The following NME7 variants were observed in gnomAD, a reference collection of about 807,000 sequenced individuals.
NME7 encodes the protein nucleoside diphosphate kinase 7.
NME7 carries 41 observed loss-of-function variants against 49.1 expected under a neutral mutation model. The observed-to-expected ratio is 0.83, with a 90% CI of 0.65 to 1.08. The LOEUF is 1.08. Ranked by LOEUF, NME7 falls within the 50% of genes least tolerant of loss-of-function variation. The probability of loss-of-function intolerance (pLI) is 0.00; values close to 1 mark genes in which losing one functional copy is unlikely to be tolerated. For missense variants in NME7, 423 were observed against 463.4 expected (o/e 0.91, Z 0.80); for synonymous variants, 139 against 150.6 (o/e 0.92, Z 0.56).
At chr1:169,271,086 C>G (rs1196883504) in intron 7 of NME7, among the ~76,000 whole-genome samples, 2 of 133,598 alleles carry the variant, frequency 1.5e-5, no homozygotes, top group African/African-American at 5.1e-5. Context: ...AAAAAGACCA[C>G]AGATGCCTCA....
At chr1:169,287,137 T>C in intron 7 of NME7, 166 bp downstream of exon 7, 1 of 596,170 alleles carries the variant, frequency 1.7e-6, no homozygotes, top group Non-Finnish European at 3.0e-6. Flanking sequence ...AATAGAGATT[T>C]AGACAGATTT....
At chr1:169,132,955 A>T in intron 11 of NME7, 138 bp from the exon 12 acceptor site, 2 of 559,116 alleles carry the variant, frequency 3.6e-6, no homozygotes, top group Non-Finnish European at 6.2e-6. Flanking sequence ...TCAATCAATC[A>T]GAGGCAGAGA....
chr1:169,354,967 AT>A, intron 1 of NME7, among the ~76,000 whole-genome samples: 2 of 37,716 alleles, frequency 5.3e-5, no homozygotes, highest in South Asian at 4.9e-4. Context: ...TTTATATATA[AT>A]ATAATTATAT....
chr1:169,279,044 A>G (rs1196443967), intron 7 of NME7, among the ~76,000 whole-genome samples: 5 of 152,066 alleles, frequency 3.3e-5, no homozygotes, highest in African/African-American at 9.7e-5. Context: ...TTCCTCTTGA[A>G]GTTTTGTCTC....
rs59969513 is a variant in NME7, at chr1:169,267,211, A to C, written c.754+20092T>G. ...AAATATCTAGGAATACAGCTAACCA[A>C]GGAAGTTAAAGATCTCTATAATGAA... On this transcript the variant is annotated intron_variant, in intron 7 of 11. Coordinates refer to ENST00000367811, the MANE Select transcript of NME7 (RefSeq NM_013330.5). 4.3e-3 allele frequency among the ~76,000 whole-genome samples: 570 copies of C among 133,984 alleles called. 64 individuals are homozygous for C. The highest frequency in any genetic ancestry group is 0.027 in the Middle Eastern group (7 of 264). The allele number at this position is 133,984 out of a possible 152,430, so 87.9% of individuals were successfully genotyped here. A position where few individuals can be genotyped will look rare whatever the true frequency, so the allele number is the denominator to read the frequency against.
intron 1 of NME7, among the ~76,000 whole-genome samples, chr1:169,335,453 C>A (rs969485671): frequency 2.6e-5 from 4 of 151,888 alleles, no homozygotes; most frequent in African/African-American, 7.3e-5. Flanking sequence ...CAAACTAGCA[C>A]ACGAACAGAA....
rs1040294021 is a variant in NME7, at chr1:169,267,041, C to T, written c.754+20262G>A. 1.5e-5 allele frequency among the ~76,000 whole-genome samples: 2 copies of T among 133,328 alleles called. 1 individual carries two copies. The highest frequency in any genetic ancestry group is 3.5e-5 in the Non-Finnish European group (2 of 56,836). 87.5% of individuals were successfully genotyped at this position (133,328 alleles called of 152,430 possible). A position where few individuals can be genotyped will look rare whatever the true frequency, so the allele number is the denominator to read the frequency against. ...CGAGATCATGCCACTGCACTCCAGC[C>T]TGGGTGACAAAGTGAAACTGTGTCT... On this transcript the variant is annotated intron_variant, in intron 7 of 11. Transcript: ENST00000367811.
intron 7 of NME7, among the ~76,000 whole-genome samples, chr1:169,281,448 T>A (rs947772379): frequency 1.3e-5 from 2 of 152,234 alleles, no homozygotes; most frequent in Non-Finnish European, 2.9e-5. Context: ...CTTTATTGCT[T>A]TCTCTTGCCT....
chr1:169,330,368 C>T (rs1049690484), intron 1 of NME7, among the ~76,000 whole-genome samples: 15 of 152,084 alleles, frequency 9.9e-5, no homozygotes, highest in African/African-American at 3.6e-4. Flanking sequence ...CATCTCACAC[C>T]AGTCAGAATG....
chr1:169,354,758 GTA>G (rs1356758935), intron 1 of NME7, among the ~76,000 whole-genome samples: 4 of 137,874 alleles, frequency 2.9e-5, no homozygotes, highest in African/African-American at 1.1e-4. Context: ...CTATGGGTGT[GTA>G]TATATGTTTT....
At chr1:169,347,479 G>A (rs1233810497) in intron 1 of NME7, among the ~76,000 whole-genome samples, 2 of 152,142 alleles carry the variant, frequency 1.3e-5, no homozygotes, top group Non-Finnish European at 2.9e-5. Flanking sequence ...TAGAGTATGA[G>A]GAGAAGATAC....
intron 10 of NME7, among the ~76,000 whole-genome samples, chr1:169,220,504 G>C (rs993352519): frequency 6.6e-6 from 1 of 152,058 alleles, no homozygotes; most frequent in African/African-American, 2.4e-5. Context: ...ATACGACATT[G>C]AGATGAGGGT....
chr1:169,218,479 G>A (rs916993062), intron 10 of NME7, among the ~76,000 whole-genome samples: 7 of 152,088 alleles, frequency 4.6e-5, no homozygotes, highest in South Asian at 4.2e-4. Flanking sequence ...CCAGCTACTC[G>A]GGATGCTGAG....
chr1:169,150,591 A>C (rs1258070945), intron 11 of NME7, among the ~76,000 whole-genome samples: 1 of 152,180 alleles, frequency 6.6e-6, no homozygotes, highest in Non-Finnish European at 1.5e-5. Flanking sequence ...AACAGTAGGC[A>C]AAGGGATATT....
At chr1:169,237,762 T>G in intron 7 of NME7, 75 bp from the exon 8 acceptor site, 4 of 1,100,968 alleles carry the variant, frequency 3.6e-6, no homozygotes, top group Non-Finnish European at 5.4e-6. Context: ...GCAAATTTTT[T>G]ATAGCAAAGT....
chr1:169,176,892 T>G (rs1318665816), intron 10 of NME7, among the ~76,000 whole-genome samples: 1 of 152,162 alleles, frequency 6.6e-6, no homozygotes, highest in African/African-American at 2.4e-5. Flanking sequence ...ACATAAACAT[T>G]AGCATAGAGG....
At position 169,287,366 on chromosome 1, in the gene NME7, C is replaced by T. The variant is rs749294217; in HGVS notation, c.691G>A (p.Ala231Thr). 3 of 1,607,698 alleles carry T rather than the reference C, an allele frequency of 1.9e-6. No homozygotes were observed. The highest frequency in any genetic ancestry group is 1.1e-5 in the South Asian group (1 of 89,146). ...FFPSSGGCGP[A>T]NTAKFTNCTC... is the part of the protein sequence containing the mutation. ...CAATTAGTAAATTTAGCAGTGTTTG[C>T]CGGCCCACAACCTCCACTTGAAGGA... The change falls in exon 7 of 12, where the codon GCA (alanine) becomes ACA (threonine). Residue 231 changes from alanine (A) to threonine (T), a missense_variant. By Grantham distance (58) the Ala-to-Thr change is moderately conservative. Coordinates refer to ENST00000367811, the MANE Select transcript of NME7 (RefSeq NM_013330.5).
intron 1 of NME7, among the ~76,000 whole-genome samples, chr1:169,325,178 T>C (rs972601596): frequency 6.6e-6 from 1 of 151,980 alleles, no homozygotes; most frequent in Non-Finnish European, 1.5e-5. Flanking sequence ...CACAGAGTGG[T>C]GGAGAGATGC....
chr1:169,228,138 G>A (rs1466800522), intron 10 of NME7, among the ~76,000 whole-genome samples: 1 of 151,702 alleles, frequency 6.6e-6, no homozygotes, highest in Non-Finnish European at 1.5e-5. Context: ...CCAACTCCTG[G>A]CCTCAAGCAA....
Sources: gnomAD v4.1 joint callset for allele counts (sites outside exome capture counted in the v4.1 genomes callset) on GRCh38, gnomAD v4.1.1 for gene constraint, MANE v1.5 for transcripts, NCBI Gene and HGNC (gene_info 2026-07-23, HGNC 2026-07-21) for gene names.